Variants in DISC1 observed in about 807,000 individuals in gnomAD.
The protein encoded by DISC1 is disrupted in schizophrenia 1 protein.
DISC1 carries 57 observed loss-of-function variants against 84.5 expected under a neutral mutation model. The observed-to-expected ratio is 0.67, with a 90% confidence interval of 0.55 to 0.84. The LOEUF is 0.84. Among genes scored for constraint, DISC1 ranks in the 40% least tolerant of loss-of-function variants. The probability of loss-of-function intolerance (pLI) is 0.00; values close to 1 mark genes in which losing one functional copy is unlikely to be tolerated. For synonymous variants in DISC1, 411 were observed against 415.2 expected (o/e 0.99, Z 0.12); for missense variants, 1,000 against 1,057.8 (o/e 0.95, Z 0.76).
At chr1:231,959,552 T>A in intron 10 of DISC1, 1 of 970,816 alleles carries the variant, frequency 1.0e-6, no homozygotes, top group South Asian at 4.8e-5. Context: ...TTGCTATTAT[T>A]TTGGAATTTG....
At chr1:231,920,453 G>A (rs901210184) in intron 9 of DISC1, among the ~76,000 whole-genome samples, 2 of 152,028 alleles carry the variant, frequency 1.3e-5, no homozygotes, top group Admixed American at 6.6e-5. Context: ...GGCAACCTCC[G>A]TTCTCCTTTC....
At chr1:231,651,855 A>G (rs1353637718) in intron 1 of DISC1, among the ~76,000 whole-genome samples, 1 of 152,210 alleles carries the variant, frequency 6.6e-6, no homozygotes, top group African/African-American at 2.4e-5. Context: ...CTGCTGAGCT[A>G]GCAGTGAGCA....
At chr1:231,763,458 T>G (rs779607225) in intron 4 of DISC1, among the ~76,000 whole-genome samples, 1 of 152,244 alleles carries the variant, frequency 6.6e-6, no homozygotes, top group Non-Finnish European at 1.5e-5. Context: ...GATTTCTAAA[T>G]TATGTCATAT....
intron 9 of DISC1, among the ~76,000 whole-genome samples, chr1:231,942,017 A>G (rs1309230160): frequency 6.6e-6 from 1 of 152,080 alleles, no homozygotes; most frequent in Non-Finnish European, 1.5e-5. Flanking sequence ...GAGCTCCTGC[A>G]GTGGAGATGA....
intron 6 of DISC1, among the ~76,000 whole-genome samples, chr1:231,786,631 C>T (rs893048978): frequency 6.6e-6 from 1 of 152,188 alleles, no homozygotes; most frequent in Admixed American, 6.6e-5. Context: ...TTAAAGGGGT[C>T]TATCCAGGCC....
chr1:231,899,783 A>G (rs145921999), intron 9 of DISC1, among the ~76,000 whole-genome samples: 1 of 152,326 alleles, frequency 6.6e-6, no homozygotes, highest in East Asian at 1.9e-4. Context: ...AATTGCAATA[A>G]AAGAGAAAAG....
intron 9 of DISC1, among the ~76,000 whole-genome samples, chr1:231,919,984 T>G (rs2089895915): frequency 6.6e-6 from 1 of 152,194 alleles, no homozygotes; most frequent in Admixed American, 6.5e-5. Flanking sequence ...GCCTTGACAC[T>G]ATTGACGTTT....
intron 9 of DISC1, among the ~76,000 whole-genome samples, chr1:231,886,767 C>CG (rs2086729011): frequency 1.5e-5 from 1 of 66,064 alleles, no homozygotes; most frequent in African/African-American, 5.5e-5. Context: ...TCCTTCCTTC[C>CG]TTTCTTTCTT....
At chr1:231,971,417 G>T (rs1661935644) in intron 10 of DISC1, among the ~76,000 whole-genome samples, 1 of 152,218 alleles carries the variant, frequency 6.6e-6, no homozygotes. Context: ...CTAGCATGCA[G>T]TCATTTTTGA....
intron 1 of DISC1, among the ~76,000 whole-genome samples, chr1:231,645,484 C>T (rs1386385159): frequency 6.6e-6 from 1 of 151,718 alleles, no homozygotes; most frequent in Non-Finnish European, 1.5e-5. Flanking sequence ...AGAGACCAGG[C>T]AGTTTATGTC....
At chr1:231,683,473 T>G (rs968600486) in intron 1 of DISC1, among the ~76,000 whole-genome samples, 1 of 149,172 alleles carries the variant, frequency 6.7e-6, no homozygotes, top group Non-Finnish European at 1.5e-5. Context: ...TTGCCCAGGC[T>G]GGAGTGCAAT....
intron 9 of DISC1, among the ~76,000 whole-genome samples, chr1:231,831,614 A>T (rs1205423413): frequency 6.6e-6 from 1 of 152,186 alleles, no homozygotes; most frequent in Non-Finnish European, 1.5e-5. Context: ...TGGCCTTTGC[A>T]GTGAATGACT....
chr1:231,931,158 T>C (rs917503553), intron 9 of DISC1, among the ~76,000 whole-genome samples: 1 of 152,176 alleles, frequency 6.6e-6, no homozygotes, highest in African/African-American at 2.4e-5. Flanking sequence ...TAGTTCTTAG[T>C]TGACCAGAGG....
chr1:231,953,598 T>C (rs1311421208), intron 9 of DISC1, among the ~76,000 whole-genome samples: 4 of 152,258 alleles, frequency 2.6e-5, no homozygotes, highest in Non-Finnish European at 1.5e-5. Flanking sequence ...TTTCACATCT[T>C]CCTTCTGAAA....
At chr1:231,738,613 C>T (rs2072835852) in intron 3 of DISC1, among the ~76,000 whole-genome samples, 1 of 152,184 alleles carries the variant, frequency 6.6e-6, no homozygotes, top group Non-Finnish European at 1.5e-5. Flanking sequence ...TTCATCACCC[C>T]ATCATTCTGT....
rs1670672351 is a variant in DISC1, at chr1:232,038,971, T to C, written c.*2140T>C. ...GGCCATGCTTAAGCCAGCAATTGGC[T>C]GGGGTCCAGGAAACAAAGCAAAAGC... On this transcript the variant is annotated 3_prime_UTR_variant, in exon 13 of 13. Transcript: ENST00000439617. The C allele has an allele frequency of 2.0e-5, 3 of 152,248 alleles. No individual in the cohort carries two copies. The highest frequency in any genetic ancestry group is 2.9e-5 in the Non-Finnish European group (2 of 68,046). The allele number at this position is 152,248 out of a possible 1,614,324, so 9.4% of individuals were successfully genotyped here.
At chr1:231,792,221 A>C (rs1036828683) in intron 6 of DISC1, among the ~76,000 whole-genome samples, 23 of 152,224 alleles carry the variant, frequency 1.5e-4, no homozygotes, top group African/African-American at 5.1e-4. Flanking sequence ...AAAACAATGC[A>C]TTTAATTATC....
At chr1:231,728,953 ATT>A (rs1312357577) in intron 3 of DISC1, among the ~76,000 whole-genome samples, 4 of 152,116 alleles carry the variant, frequency 2.6e-5, no homozygotes, top group Admixed American at 1.3e-4. Context: ...TTAACTCGTC[ATT>A]TAACATTAGG....
At chr1:232,022,951 T>A (rs964861637) in intron 11 of DISC1, among the ~76,000 whole-genome samples, 1 of 152,092 alleles carries the variant, frequency 6.6e-6, no homozygotes, top group Non-Finnish European at 1.5e-5. Context: ...GCCAGACAGA[T>A]CTTCTCTTAG....
Sources: allele counts gnomAD v4.1 joint callset (sites outside exome capture counted in the v4.1 genomes callset), GRCh38; gene constraint gnomAD v4.1.1; transcripts MANE v1.5; gene names NCBI Gene and HGNC (gene_info 2026-07-23, HGNC 2026-07-21).